The following DMXL1 variants were observed in gnomAD, a reference collection of about 807,000 sequenced individuals.
DMXL1 encodes the protein Dmx like 1.
Under a neutral mutation model 319.2 loss-of-function variants are expected in DMXL1, and 99 were observed. The observed-to-expected ratio is 0.31, with a 90% confidence interval of 0.26 to 0.37. The LOEUF (loss-of-function observed/expected upper bound fraction) is 0.37. Among genes scored for constraint, DMXL1 ranks in the 10% least tolerant of loss-of-function variants. The pLI is 1.00. For synonymous variants in DMXL1, 1,385 were observed against 1,235.2 expected, an observed-to-expected ratio of 1.12 and a Z score of -2.54; for missense variants, 3,745 against 3,595.6, an observed-to-expected ratio of 1.04 and a Z score of -1.06.
chr5:119,132,676 A>G (rs929848474), intron 10 of DMXL1: 2 of 207,258 alleles, frequency 9.6e-6, no homozygotes, highest in African/African-American at 4.8e-5. Flanking sequence ...CTCCGTCTCA[A>G]AAAAAAAAAA....
chr5:119,137,838 A>G (rs1376553252), intron 13 of DMXL1, among the ~76,000 whole-genome samples: 1 of 152,190 alleles, frequency 6.6e-6, no homozygotes, highest in East Asian at 1.9e-4. Context: ...ATGAAAATGG[A>G]CTAATACAGT....
chr5:119,148,794 A>G lies in DMXL1; in HGVS notation c.2967A>G (p.Ala989=). 1 of 1,613,614 alleles carries G rather than the reference A, an allele frequency of 6.2e-7. No homozygotes were observed. The highest frequency in any genetic ancestry group is 2.2e-5 in the East Asian group (1 of 44,858). The change falls in exon 18 of 44, where the codon GCA becomes GCG. Residue 989 remains alanine, a synonymous_variant. Coordinates refer to ENST00000539542, the MANE Select transcript of DMXL1 (RefSeq NM_001290321.3). ...CATGCAGTGCTCCTTATTTATTGGC[A>G]ACTTCATGTTCAGATGAGAAAGTAA... ...YPACSAPYLL[A]TSCSDEKVRF...
intron 4 of DMXL1, among the ~76,000 whole-genome samples, chr5:119,106,596 G>T (rs996561320): frequency 7.2e-5 from 11 of 152,054 alleles, no homozygotes; most frequent in African/African-American, 2.7e-4. Context: ...AATTCTTTAT[G>T]GTTGTCTAAA....
Position 119,111,269 on chromosome 5 carries a change from A to T in DMXL1, c.497+986A>T, listed in dbSNP as rs1164056425. On this transcript the variant is annotated intron_variant, in intron 5 of 43. Coordinates refer to ENST00000539542, the MANE Select transcript of DMXL1 (RefSeq NM_001290321.3). ...ATATTTTAGAGCTACATTGTCCAGT[A>T]TGGTAGCCACTAATTACATGTTATT... is the stretch of plus-strand genomic sequence containing the variant. Among the ~76,000 whole-genome samples the T allele has an allele frequency of 2.0e-5, 3 of 152,218 alleles. No individual in the cohort carries two copies. In the East Asian group the frequency reaches 5.8e-4, roughly 29 times the overall value.
chr5:119,134,640 A>G (rs1191405147), intron 13 of DMXL1, among the ~76,000 whole-genome samples: 11 of 152,240 alleles, frequency 7.2e-5, no homozygotes, highest in Non-Finnish European at 1.5e-4. Flanking sequence ...CTTTACTCAT[A>G]GATAAATGAG....
chr5:119,072,627 C>T (rs1749880152), intron 1 of DMXL1, among the ~76,000 whole-genome samples: 1 of 152,072 alleles, frequency 6.6e-6, no homozygotes, highest in African/African-American at 2.4e-5. Context: ...TGTTAAATTT[C>T]TAATCTTTTT....
In DMXL1 at chr5:119,148,854, T is replaced by C. The variant is rs144427377; in HGVS notation, c.3027T>C (p.Ser1009=). The C allele has an allele frequency of 6.2e-7, 1 of 1,613,772 alleles. No individual in the cohort carries two copies. Among genetic ancestry groups the C allele is most frequent in the Non-Finnish European group, 8.5e-7 (1 of 1,179,784 alleles). ...GATGCAGAGTAACAGATGGAGAATC[T>C]GCCACGTCAAAGAATGGAAAAATTG... ...FWRCRVTDGE[S]ATSKNGKIDL... The change falls in exon 18 of 44, where the codon TCT becomes TCC. Residue 1009 remains serine (S), a synonymous_variant. Coordinates refer to ENST00000539542, the MANE Select transcript of DMXL1 (RefSeq NM_001290321.3).
intron 35 of DMXL1, 77 bp downstream of exon 35, chr5:119,217,064 CAGTATTT>C: frequency 1.2e-6 from 1 of 849,576 alleles, no homozygotes; most frequent in South Asian, 2.3e-5. Context: ...TCAGTTTATC[CAGTATTT>C]CTTTCCCAAA....
intron 19 of DMXL1, among the ~76,000 whole-genome samples, chr5:119,153,758 G>A (rs1192939210): frequency 1.3e-5 from 2 of 152,188 alleles, no homozygotes; most frequent in East Asian, 3.8e-4. Flanking sequence ...CGTTTTTTAA[G>A]GCTGACTGGT....
intron 38 of DMXL1, among the ~76,000 whole-genome samples, chr5:119,229,636 C>T (rs1308808539): frequency 6.6e-6 from 1 of 152,164 alleles, no homozygotes; most frequent in Non-Finnish European, 1.5e-5. Flanking sequence ...TCCTTCATAC[C>T]TCATAGCTTC....
chr5:119,225,157 T>C (rs1358213258), intron 38 of DMXL1, among the ~76,000 whole-genome samples: 1 of 152,034 alleles, frequency 6.6e-6, no homozygotes, highest in African/African-American at 2.4e-5. Context: ...CCAACCTTTA[T>C]TACATAAGCC....
chr5:119,106,688 T>C (rs964434282), intron 4 of DMXL1, among the ~76,000 whole-genome samples: 1 of 152,170 alleles, frequency 6.6e-6, no homozygotes, highest in African/African-American at 2.4e-5. Context: ...GTTAGAAGGG[T>C]CAGTGGCAAA....
In DMXL1 at chr5:119,193,947, A is replaced by G. The variant is rs753028596; in HGVS notation, c.7434A>G (p.Glu2478=). ...DVLASDFHLQ[E]HSNSNSYSWS... ...TAGCATCAGATTTCCATCTCCAGGAACATTCTAATTCAAATTCATATAGGT... is the reference window on the plus strand; with the variant it reads ...TAGCATCAGATTTCCATCTCCAGGAGCATTCTAATTCAAATTCATATAGGT... The change falls in exon 30 of 44, where the codon GAA becomes GAG. Residue 2478 remains glutamate, a synonymous_variant. Transcript: ENST00000539542. 3 of 1,607,960 alleles carry G rather than the reference A, an allele frequency of 1.9e-6. No homozygotes were observed. Among genetic ancestry groups the G allele is most frequent in the Non-Finnish European group, 2.6e-6 (3 of 1,176,284 alleles).
At chr5:119,183,812 A>G (rs1370453627) in intron 28 of DMXL1, among the ~76,000 whole-genome samples, 1 of 152,188 alleles carries the variant, frequency 6.6e-6, no homozygotes, top group Non-Finnish European at 1.5e-5. Flanking sequence ...ATAAATTTTA[A>G]TTTAAAGTTT....
chr5:119,106,629 C>G (rs1758409724), intron 4 of DMXL1, among the ~76,000 whole-genome samples: 1 of 152,052 alleles, frequency 6.6e-6, no homozygotes, highest in South Asian at 2.1e-4. Context: ...TCAAAAGAGG[C>G]TAGTCATACA....
intron 1 of DMXL1, among the ~76,000 whole-genome samples, chr5:119,091,467 C>T (rs1387569536): frequency 6.6e-6 from 1 of 152,214 alleles, no homozygotes; most frequent in Non-Finnish European, 1.5e-5. Flanking sequence ...CTGTTTTGGC[C>T]TCCCAGTGTT....
At chr5:119,116,913 T>A (rs1173430493) in intron 7 of DMXL1, among the ~76,000 whole-genome samples, 1 of 152,190 alleles carries the variant, frequency 6.6e-6, no homozygotes, top group Non-Finnish European at 1.5e-5. Flanking sequence ...GTATCTTCTT[T>A]TTTTTTTCTG....
At chr5:119,115,389 A>T (rs1760619398) in intron 6 of DMXL1, among the ~76,000 whole-genome samples, 1 of 152,242 alleles carries the variant, frequency 6.6e-6, no homozygotes, top group South Asian at 2.1e-4. Flanking sequence ...TGTCTATTTT[A>T]AAGCAATGTA....
chr5:119,193,886 G>T lies in DMXL1; in HGVS notation c.7373G>T (p.Ser2458Ile), dbSNP rs1779133079. The T allele has an allele frequency of 6.2e-7, 1 of 1,612,938 alleles. No individual in the cohort carries two copies. Among genetic ancestry groups the T allele is most frequent in the Non-Finnish European group, 8.5e-7 (1 of 1,179,414 alleles). ...AEYDSEESLG[S>I]DDDDNDDDDD... is the part of the protein sequence containing the mutation. Reference sequence around the variant, plus strand: ...TATGATTCAGAGGAGAGTCTGGGAAGTGATGATGATGACAATGATGATGAT... The same window carrying T: ...TATGATTCAGAGGAGAGTCTGGGAATTGATGATGATGACAATGATGATGAT... The change falls in exon 30 of 44, where the codon AGT becomes ATT. Residue 2458 changes from serine (S) to isoleucine (I), a missense_variant. By Grantham distance (142) the Ser-to-Ile change is moderately radical. Coordinates refer to ENST00000539542, the MANE Select transcript of DMXL1 (RefSeq NM_001290321.3).
Sources: gnomAD v4.1 joint callset for allele counts (sites outside exome capture counted in the v4.1 genomes callset) on GRCh38, gnomAD v4.1.1 for gene constraint, MANE v1.5 for transcripts, NCBI Gene and HGNC (gene_info 2026-07-23, HGNC 2026-07-21) for gene names.